Variants in KATNIP observed in about 807,000 individuals in gnomAD.
KATNIP encodes the protein katanin interacting protein.
KATNIP carries 126 observed loss-of-function variants against 174.0 expected under a neutral mutation model. That is an observed-to-expected ratio of 0.72 (90% CI 0.63 to 0.84). KATNIP has a LOEUF of 0.84. KATNIP is among the 40% of genes least tolerant of loss of function. The pLI, the probability that KATNIP is intolerant of heterozygous loss-of-function variation, is 0.00. For missense variants in KATNIP, 1,958 were observed against 2,109.7 expected (o/e 0.93, Z 1.41); for synonymous variants, 810 against 835.7 (o/e 0.97, Z 0.53).
chr16:27,572,298 T>C (rs1010875693), intron 1 of KATNIP, among the ~76,000 whole-genome samples: 4 of 150,706 alleles, frequency 2.7e-5, no homozygotes, highest in East Asian at 1.9e-4. Flanking sequence ...ATTACAGTGG[T>C]ACATTATGCT....
At chr16:27,738,957 C>A (rs1340681640) in intron 14 of KATNIP, among the ~76,000 whole-genome samples, 1 of 151,842 alleles carries the variant, frequency 6.6e-6, no homozygotes, top group African/African-American at 2.4e-5. Flanking sequence ...CTTGGAGAGA[C>A]ATTTGCGACA....
At chr16:27,729,095 C>T (rs1400010959) in intron 14 of KATNIP, among the ~76,000 whole-genome samples, 7 of 152,176 alleles carry the variant, frequency 4.6e-5, no homozygotes, top group Admixed American at 4.6e-4. Flanking sequence ...GACAGAAAAC[C>T]CAATTAAAAC....
intron 6 of KATNIP, among the ~76,000 whole-genome samples, chr16:27,650,461 G>A (rs1369294098): frequency 1.3e-5 from 2 of 152,234 alleles, no homozygotes; most frequent in Non-Finnish European, 2.9e-5. Flanking sequence ...ATTATCCAGA[G>A]GTGGTAGGTC....
At chr16:27,660,641 T>TC (rs2077446210) in intron 6 of KATNIP, among the ~76,000 whole-genome samples, 1 of 151,084 alleles carries the variant, frequency 6.6e-6, no homozygotes, top group Non-Finnish European at 1.5e-5. Context: ...CAGTACTTTT[T>TC]TTTTTTTTTT....
At chr16:27,754,988 T>A (rs1180942241) in intron 18 of KATNIP, 1 of 152,574 alleles carries the variant, frequency 6.6e-6, no homozygotes, top group African/African-American at 2.4e-5. Context: ...TCCATGCGTG[T>A]CCACATCAGC....
chr16:27,757,119 C>T (rs2143940692), intron 18 of KATNIP, among the ~76,000 whole-genome samples: 2 of 152,344 alleles, frequency 1.3e-5, no homozygotes, highest in East Asian at 3.9e-4. Context: ...GGGTCTCACT[C>T]TGTGGCCCAG....
At position 27,766,519 on chromosome 16, in the gene KATNIP, G is replaced by A. The variant is rs576760214; in HGVS notation, c.3975+45G>A. On this transcript the variant is annotated intron_variant, in intron 20 of 27. Coordinates refer to ENST00000261588, the MANE Select transcript of KATNIP (RefSeq NM_015202.5). Reference sequence around the variant, plus strand: ...CCGTGCTCAGTCCAGCATCAGGGAAGCAGCACCTTGATGAATGGCTGGCGT... The same window carrying A: ...CCGTGCTCAGTCCAGCATCAGGGAAACAGCACCTTGATGAATGGCTGGCGT... 24 of 1,569,412 alleles carry A rather than the reference G, an allele frequency of 1.5e-5. No homozygotes were observed. In the South Asian group the frequency reaches 2.0e-4, roughly 13 times the overall value.
In KATNIP at chr16:27,780,291, G is replaced by A. The variant is rs192882045; in HGVS notation, c.*1662G>A. On this transcript the variant is annotated 3_prime_UTR_variant, in exon 28 of 28. Transcript: ENST00000261588. ...TGTGCAATTTAGGAGGGGAAAAAAA[G>A]GCTGTACAAGCTTTAACTCTAAAAT... is the stretch of plus-strand genomic sequence containing the variant. 16 of 152,334 alleles carry A rather than the reference G, an allele frequency of 1.1e-4. No homozygotes were observed. In the East Asian group the frequency reaches 2.1e-3, roughly 20 times the overall value. The allele number at this position is 152,334 out of a possible 1,614,324, so 9.4% of individuals were successfully genotyped here.
intron 12 of KATNIP, 128 bp downstream of exon 12, chr16:27,704,126 C>T (rs543530249): frequency 8.6e-6 from 6 of 698,258 alleles, no homozygotes; most frequent in South Asian, 3.5e-5. Flanking sequence ...TCCACCGCCC[C>T]CCCCCTCCCT....
chr16:27,625,470 T>A (rs956929561), intron 3 of KATNIP, among the ~76,000 whole-genome samples: 3 of 152,236 alleles, frequency 2.0e-5, no homozygotes, highest in African/African-American at 4.8e-5. Flanking sequence ...GGTGCCTACA[T>A]TGTCCCTTGA....
chr16:27,714,078 T>A (rs1409509135), intron 13 of KATNIP, among the ~76,000 whole-genome samples: 1 of 151,224 alleles, frequency 6.6e-6, no homozygotes, highest in East Asian at 2.0e-4. Flanking sequence ...TTCCTACCTC[T>A]CCAAAACCCT....
chr16:27,576,956 C>G (rs1352047438), intron 2 of KATNIP, among the ~76,000 whole-genome samples: 1 of 152,078 alleles, frequency 6.6e-6, no homozygotes, highest in African/African-American at 2.4e-5. Flanking sequence ...CAGTGCACTC[C>G]CTGGAGAGTG....
intron 13 of KATNIP, among the ~76,000 whole-genome samples, chr16:27,710,562 C>T (rs539167292): frequency 1.3e-5 from 2 of 152,122 alleles, no homozygotes; most frequent in African/African-American, 4.8e-5. Flanking sequence ...GTTGTTATTG[C>T]GTGATCATAG....
intron 2 of KATNIP, among the ~76,000 whole-genome samples, chr16:27,592,828 T>G (rs1341653850): frequency 6.6e-6 from 1 of 152,222 alleles, no homozygotes; most frequent in Admixed American, 6.5e-5. Context: ...TTGTTGGGAT[T>G]ACAGGCATGA....
At chr16:27,605,649 G>C (rs2075678358) in intron 2 of KATNIP, among the ~76,000 whole-genome samples, 1 of 152,284 alleles carries the variant, frequency 6.6e-6, no homozygotes, top group Non-Finnish European at 1.5e-5. Flanking sequence ...CTATCCTAGG[G>C]CGTGAGAAAC....
intron 14 of KATNIP, among the ~76,000 whole-genome samples, chr16:27,738,027 C>CA (rs2143476787): frequency 6.6e-6 from 1 of 152,224 alleles, no homozygotes; most frequent in Admixed American, 6.5e-5. Context: ...CAGTGACACT[C>CA]AGAGATTCAC....
At chr16:27,726,782 A>T (rs1162987789) in intron 14 of KATNIP, among the ~76,000 whole-genome samples, 2 of 152,156 alleles carry the variant, frequency 1.3e-5, no homozygotes, top group Admixed American at 6.5e-5. Flanking sequence ...CATCTGTGGG[A>T]AGGGCATTCC....
At chr16:27,696,393 G>A (rs1364133784) in intron 8 of KATNIP, among the ~76,000 whole-genome samples, 2 of 151,838 alleles carry the variant, frequency 1.3e-5, no homozygotes, top group Non-Finnish European at 2.9e-5. Flanking sequence ...TTGTTACATA[G>A]GTCAACTGCA....
intron 1 of KATNIP, among the ~76,000 whole-genome samples, chr16:27,551,902 A>G (rs906557935): frequency 6.6e-6 from 1 of 151,918 alleles, no homozygotes; most frequent in Non-Finnish European, 1.5e-5. Flanking sequence ...AGTGGCTCAT[A>G]ATAATCATAA....
Sources: allele counts gnomAD v4.1 joint callset (sites outside exome capture counted in the v4.1 genomes callset), GRCh38; gene constraint gnomAD v4.1.1; transcripts MANE v1.5; gene names NCBI Gene and HGNC (gene_info 2026-07-23, HGNC 2026-07-21).